The following NRG1 variants were observed in gnomAD, a reference collection of about 807,000 sequenced individuals.
NRG1 encodes neuregulin 1, also known as pro-neuregulin-1, membrane-bound isoform.
In NRG1, 18 loss-of-function variants were observed where a neutral mutation model predicts 63.8. The observed-to-expected ratio is 0.28, with a 90% CI of 0.19 to 0.42. The LOEUF is 0.42. NRG1 is among the 10% of genes least tolerant of loss of function. The pLI is 1.00. For missense variants in NRG1, 762 were observed against 814.7 expected, an observed-to-expected ratio of 0.94 and a Z score of 0.79; for synonymous variants, 302 against 301.3, an observed-to-expected ratio of 1.00 and a Z score of -0.02.
chr8:32,759,577 G>T, intron 10 of NRG1, 141 bp downstream of exon 10: 1 of 1,044,808 alleles, frequency 9.6e-7, no homozygotes, highest in Non-Finnish European at 1.3e-6. Flanking sequence ...AACTGGCTTT[G>T]CCCTTAATTC....
intron 1 of NRG1, among the ~76,000 whole-genome samples, chr8:31,674,580 A>G (rs1202252984): frequency 6.7e-6 from 1 of 150,146 alleles, no homozygotes; most frequent in East Asian, 2.0e-4. Context: ...TTAAAGAGGA[A>G]TCTTTAACCC....
chr8:32,116,014 A>C (rs914201410), intron 1 of NRG1, among the ~76,000 whole-genome samples: 5 of 152,134 alleles, frequency 3.3e-5, no homozygotes, highest in Admixed American at 1.3e-4. Context: ...AGATATTTTC[A>C]AGTCTTAGTG....
chr8:32,322,723 T>C (rs1395750609), intron 1 of NRG1, among the ~76,000 whole-genome samples: 1 of 152,132 alleles, frequency 6.6e-6, no homozygotes, highest in Non-Finnish European at 1.5e-5. Flanking sequence ...TATTCTGAAA[T>C]GATTTTCTCC....
chr8:32,648,079 C>T, intron 5 of NRG1: 2 of 1,614,062 alleles, frequency 1.2e-6, no homozygotes, highest in Non-Finnish European at 1.7e-6. Flanking sequence ...GGCCAGGACC[C>T]TATTATTTCT....
chr8:32,527,840 CT>C (rs1187476475), intron 1 of NRG1, among the ~76,000 whole-genome samples: 1 of 152,114 alleles, frequency 6.6e-6, no homozygotes, highest in Non-Finnish European at 1.5e-5. Flanking sequence ...TGTTCCTCTT[CT>C]TTTTTTCACA....
At chr8:32,467,600 A>G (rs1734680011) in intron 1 of NRG1, among the ~76,000 whole-genome samples, 1 of 152,216 alleles carries the variant, frequency 6.6e-6, no homozygotes, top group African/African-American at 2.4e-5. Context: ...CTGAGTTCCT[A>G]GTAGGGGCCA....
intron 1 of NRG1, among the ~76,000 whole-genome samples, chr8:31,888,553 C>T (rs1177211890): frequency 1.3e-5 from 2 of 152,126 alleles, no homozygotes; most frequent in Non-Finnish European, 2.9e-5. Flanking sequence ...TCAGAATTGT[C>T]TTCTCTTGAA....
intron 5 of NRG1, among the ~76,000 whole-genome samples, chr8:32,722,313 G>C (rs1820867376): frequency 6.6e-6 from 1 of 152,150 alleles, no homozygotes; most frequent in African/African-American, 2.4e-5. Flanking sequence ...CTTTTTATCA[G>C]CAGTTTGCAT....
intron 1 of NRG1, among the ~76,000 whole-genome samples, chr8:31,829,242 T>C (rs1361193739): frequency 6.6e-6 from 1 of 152,244 alleles, no homozygotes; most frequent in African/African-American, 2.4e-5. Flanking sequence ...TTTTTCATAG[T>C]GTGTTGTGTA....
At chr8:32,724,941 G>A (rs1821689746) in intron 5 of NRG1, among the ~76,000 whole-genome samples, 1 of 152,126 alleles carries the variant, frequency 6.6e-6, no homozygotes, top group South Asian at 2.1e-4. Flanking sequence ...CTTCAGGATA[G>A]CATTACAAGG....
At chr8:32,421,326 C>T (rs926615171) in intron 1 of NRG1, among the ~76,000 whole-genome samples, 4 of 151,960 alleles carry the variant, frequency 2.6e-5, no homozygotes, top group East Asian at 1.9e-4. Context: ...AAAATTGGCT[C>T]CCAAAGTACA....
At chr8:32,458,452 CA>C (rs1268415037) in intron 1 of NRG1, among the ~76,000 whole-genome samples, 1 of 152,120 alleles carries the variant, frequency 6.6e-6, no homozygotes, top group Non-Finnish European at 1.5e-5. Flanking sequence ...AGAAATTAAC[CA>C]GAGACTTTAT....
chr8:32,444,898 C>T (rs981672995), intron 1 of NRG1, among the ~76,000 whole-genome samples: 1 of 152,176 alleles, frequency 6.6e-6, no homozygotes, highest in African/African-American at 2.4e-5. Flanking sequence ...GCCTCGATAG[C>T]TTTAAATGTC....
At chr8:32,733,538 C>G (rs1316080143) in intron 6 of NRG1, among the ~76,000 whole-genome samples, 1 of 152,018 alleles carries the variant, frequency 6.6e-6, no homozygotes, top group African/African-American at 2.4e-5. Context: ...TGCAATCAGA[C>G]CTTGGCAATG....
chr8:31,723,083 T>G (rs113577625), intron 1 of NRG1, among the ~76,000 whole-genome samples: 2,164 of 152,312 alleles, frequency 0.014, 52 homozygotes, highest in African/African-American at 0.049. Context: ...GAACTCATCT[T>G]AGTAAAACTG....
intron 1 of NRG1, among the ~76,000 whole-genome samples, chr8:32,499,506 G>A (rs7816101): frequency 0.18 from 26,759 of 151,814 alleles, 2,546 homozygotes; most frequent in Non-Finnish European, 0.2. Flanking sequence ...AACACAGTGT[G>A]ACTCCATCTC....
intron 1 of NRG1, among the ~76,000 whole-genome samples, chr8:32,346,312 G>A (rs1410563009): frequency 6.7e-6 from 1 of 149,948 alleles, no homozygotes; most frequent in African/African-American, 2.4e-5. Context: ...CATAAATTAT[G>A]TGTAAAATTC....
intron 1 of NRG1, among the ~76,000 whole-genome samples, chr8:32,511,367 G>GTATATATATATATATATA (rs202038797): frequency 2.6e-4 from 32 of 122,052 alleles, no homozygotes; most frequent in African/African-American, 4.0e-4. Context: ...ATATATATGT[G>GTATATATATATATATATA]TATATATATA....
At chr8:32,408,794 G>C (rs558638313) in intron 1 of NRG1, among the ~76,000 whole-genome samples, 87 of 152,112 alleles carry the variant, frequency 5.7e-4, no homozygotes, top group Non-Finnish European at 1.0e-3. Flanking sequence ...GTGCAGTTTT[G>C]TTACATGGAT....
Sources: gnomAD v4.1 joint callset for allele counts (sites outside exome capture counted in the v4.1 genomes callset) on GRCh38, gnomAD v4.1.1 for gene constraint, MANE v1.5 for transcripts, NCBI Gene and HGNC (gene_info 2026-07-23, HGNC 2026-07-21) for gene names.